The following DBF4 variants were observed in gnomAD, a reference collection of about 807,000 sequenced individuals.
DBF4 encodes DBF4-CDC7 kinase regulatory subunit, also known as protein DBF4 homolog A.
A neutral mutation model predicts 76.6 loss-of-function variants in DBF4; 25 were observed. The ratio of observed to expected loss-of-function variants is 0.33; its 90% CI spans 0.24 to 0.46. The LOEUF (loss-of-function observed/expected upper bound fraction) is 0.46, where lower values mean the gene tolerates loss of function less well. DBF4 is among the 20% of genes least tolerant of loss of function. DBF4 has a pLI of 1.00. For synonymous variants in DBF4, 213 were observed against 258.0 expected (o/e 0.83, Z 1.67); for missense variants, 638 against 760.8 (o/e 0.84, Z 1.90).
At chr7:87,888,410 C>T (rs1839413565) in intron 6 of DBF4, 1 of 740,386 alleles carries the variant, frequency 1.4e-6, no homozygotes, top group South Asian at 6.1e-5. Flanking sequence ...TATGTACTAT[C>T]CTTTTCAACT....
intron 6 of DBF4, among the ~76,000 whole-genome samples, chr7:87,890,473 A>C (rs1322301411): frequency 6.6e-6 from 1 of 152,214 alleles, no homozygotes; most frequent in Admixed American, 6.5e-5. Context: ...CAGAGGTAGC[A>C]GTGAGCCGGG....
intron 2 of DBF4, among the ~76,000 whole-genome samples, chr7:87,880,988 C>T (rs1273178198): frequency 1.3e-5 from 2 of 152,156 alleles, no homozygotes; most frequent in African/African-American, 2.4e-5. Context: ...TCAGAAAATA[C>T]GTTTTGAGTT....
At chr7:87,899,560 C>T (rs1387062065) in intron 8 of DBF4, among the ~76,000 whole-genome samples, 1 of 152,148 alleles carries the variant, frequency 6.6e-6, no homozygotes, top group African/African-American at 2.4e-5. Context: ...CAGTGAGATA[C>T]CACTTTACAT....
intron 6 of DBF4, among the ~76,000 whole-genome samples, chr7:87,893,978 A>G (rs1839561765): frequency 2.0e-5 from 3 of 152,160 alleles, no homozygotes; most frequent in African/African-American, 7.2e-5. Flanking sequence ...AGGATTTACG[A>G]TATACATGTG....
chr7:87,886,111 G>A (rs1839342938), intron 3 of DBF4, among the ~76,000 whole-genome samples: 1 of 152,146 alleles, frequency 6.6e-6, no homozygotes. Context: ...GAATGGAAAA[G>A]AGATCAAGAA....
At chr7:87,892,214 G>C (rs1839509994) in intron 6 of DBF4, among the ~76,000 whole-genome samples, 1 of 152,164 alleles carries the variant, frequency 6.6e-6, no homozygotes, top group African/African-American at 2.4e-5. Context: ...CATACAGAAT[G>C]GTTCCACTGC....
intron 8 of DBF4, among the ~76,000 whole-genome samples, chr7:87,899,099 A>G (rs965543679): frequency 1.3e-5 from 2 of 152,214 alleles, no homozygotes; most frequent in South Asian, 4.1e-4. Flanking sequence ...TTAACTCAAA[A>G]TGGACCAAAG....
At chr7:87,901,214 A>G (rs929759691) in intron 10 of DBF4, among the ~76,000 whole-genome samples, 1 of 152,230 alleles carries the variant, frequency 6.6e-6, no homozygotes, top group Non-Finnish European at 1.5e-5. Flanking sequence ...AGTGCTATGA[A>G]AAAATAGAAC....
At position 87,907,982 on chromosome 7, in the gene DBF4, T is replaced by C; in HGVS notation, c.1844T>C (p.Val615Ala). 1 of 1,613,494 alleles carries C rather than the reference T, an allele frequency of 6.2e-7. No homozygotes were observed. The highest frequency in any genetic ancestry group is 8.5e-7 in the Non-Finnish European group (1 of 1,179,726). The change falls in exon 12 of 12, where the codon GTA becomes GCA. Residue 615 changes from valine (V) to alanine (A), a missense_variant. Transcript: ENST00000265728. The part of the protein sequence containing the change: ...QEENRICSSP[V>A]QSLLDLFQTS... Reference sequence around the variant, plus strand: ...GAAAACAGAATTTGTAGTTCACCGGTACAGTCTTTACTAGACTTGTTTCAG... The same window carrying C: ...GAAAACAGAATTTGTAGTTCACCGGCACAGTCTTTACTAGACTTGTTTCAG...
chr7:87,904,222 A>G, intron 10 of DBF4, 70 bp from the exon 11 acceptor site: 1 of 1,481,122 alleles, frequency 6.8e-7, no homozygotes, highest in Non-Finnish European at 9.0e-7. Flanking sequence ...ATGTTAGAAA[A>G]CCTTAATTAA....
At chr7:87,889,818 T>C (rs1428846318) in intron 6 of DBF4, among the ~76,000 whole-genome samples, 15 of 152,308 alleles carry the variant, frequency 9.8e-5, no homozygotes, top group Admixed American at 9.2e-4. Flanking sequence ...ATGGGAAATA[T>C]AAAAGTAGAG....
At chr7:87,899,240 C>G (rs1303261615) in intron 8 of DBF4, among the ~76,000 whole-genome samples, 1 of 152,016 alleles carries the variant, frequency 6.6e-6, no homozygotes, top group African/African-American at 2.4e-5. Context: ...TGGACCATAT[C>G]AAAAATATAA....
Position 87,907,559 on chromosome 7 carries a change from T to C in DBF4, c.1421T>C (p.Leu474Ser), listed in dbSNP as rs1166673745. The C allele has an allele frequency of 6.2e-7, 1 of 1,614,106 alleles. No homozygotes were observed. Among genetic ancestry groups the C allele is most frequent in the Non-Finnish European group, 8.5e-7 (1 of 1,179,968 alleles). Residue 474 changes from leucine (L) to serine (S), a missense_variant, in exon 12 of 12, where the codon TTA (leucine) becomes TCA (serine). Leu to Ser is a moderately radical substitution (Grantham distance 145). Transcript: ENST00000265728. ...GAACACACATTAAGTGAAAATGACT[T>C]AGAAGAACTAAGGGTAGATCACTAT... is the stretch of plus-strand genomic sequence containing the variant. ...ISEHTLSEND[L>S]EELRVDHYKC...
chr7:87,876,595 C>T lies in DBF4; in HGVS notation c.-138C>T. 1.0e-6 allele frequency: 1 copy of T among 953,844 alleles called. No individual in the cohort carries two copies. The highest frequency in any genetic ancestry group is 2.1e-5 in the Admixed American group (1 of 48,524). The allele number at this position is 953,844 out of a possible 1,614,324, so 59.1% of individuals were successfully genotyped here. A position where few individuals can be genotyped will look rare whatever the true frequency, so the allele number is the denominator to read the frequency against. On this transcript the variant is annotated 5_prime_UTR_variant, in exon 1 of 12. Transcript: ENST00000265728. ...GGAAACCCGACCTGCAGACGCGGTA[C>T]CTCTACTGCGTAGAGGCCGTAGCTG...
rs1229672255 is a variant in DBF4 at position 87,887,401 on chromosome 7, A to G, written c.520+3A>G. Reference sequence around the variant, plus strand: ...AGTAAAAATTCTTCATATTGATGGTAAGGATTTTATAATTGTTTTTTGACA... The same window carrying G: ...AGTAAAAATTCTTCATATTGATGGTGAGGATTTTATAATTGTTTTTTGACA... On this transcript the variant is annotated splice_donor_region_variant and intron_variant, in intron 5 of 11. Coordinates refer to ENST00000265728, the MANE Select transcript of DBF4 (RefSeq NM_006716.4). The G allele has an allele frequency of 6.4e-7, 1 of 1,568,670 alleles. No individual in the cohort carries two copies. Among genetic ancestry groups the G allele is most frequent in the Non-Finnish European group, 8.7e-7 (1 of 1,148,988 alleles).
At chr7:87,898,041 G>A (rs879264232) in intron 8 of DBF4, among the ~76,000 whole-genome samples, 2 of 152,218 alleles carry the variant, frequency 1.3e-5, no homozygotes, top group Admixed American at 6.5e-5. Flanking sequence ...GCCTCCCAAA[G>A]TGCGGGGATT....
At chr7:87,892,831 G>A (rs1271865615) in intron 6 of DBF4, among the ~76,000 whole-genome samples, 1 of 152,186 alleles carries the variant, frequency 6.6e-6, no homozygotes, top group African/African-American at 2.4e-5. Flanking sequence ...TTTCCAAATA[G>A]GAATTTTTCA....
chr7:87,876,897 C>T, intron 1 of DBF4, 119 bp downstream of exon 1: 1 of 1,134,374 alleles, frequency 8.8e-7, no homozygotes, highest in Non-Finnish European at 1.3e-6. Context: ...TGACCGGCCT[C>T]TGGGGTCTGA....
At chr7:87,892,994 T>C (rs1355804876) in intron 6 of DBF4, among the ~76,000 whole-genome samples, 1 of 152,216 alleles carries the variant, frequency 6.6e-6, no homozygotes, top group Non-Finnish European at 1.5e-5. Context: ...ATGTATATTC[T>C]GCTGTGGTTG....
Sources: allele counts gnomAD v4.1 joint callset (sites outside exome capture counted in the v4.1 genomes callset), GRCh38; gene constraint gnomAD v4.1.1; transcripts MANE v1.5; gene names NCBI Gene and HGNC (gene_info 2026-07-23, HGNC 2026-07-21).